KSR2: variants seen among roughly 807,000 people sequenced by gnomAD.
KSR2 encodes kinase suppressor of ras 2.
Under a neutral mutation model 107.8 loss-of-function variants are expected in KSR2, and 25 were observed. The observed-to-expected ratio is 0.23, with a 90% confidence interval of 0.17 to 0.32. The LOEUF (loss-of-function observed/expected upper bound fraction) is 0.32, where lower values mean the gene tolerates loss of function less well. Ranked by LOEUF, KSR2 falls within the 10% of genes least tolerant of loss-of-function variation. The pLI, the probability that KSR2 is intolerant of heterozygous loss-of-function variation, is 1.00. For synonymous variants in KSR2, 480 were observed against 507.0 expected, an observed-to-expected ratio of 0.95 and a Z score of 0.71; for missense variants, 887 against 1,268.9, an observed-to-expected ratio of 0.70 and a Z score of 4.57.
intron 5 of KSR2, among the ~76,000 whole-genome samples, chr12:117,644,346 A>T (rs187471494): frequency 5.3e-5 from 8 of 152,332 alleles, no homozygotes; most frequent in Admixed American, 5.2e-4. Flanking sequence ...AGTTCGCAGC[A>T]TCTACATGGA....
chr12:117,860,065 G>GT (rs1341429723), intron 2 of KSR2, among the ~76,000 whole-genome samples: 1 of 152,224 alleles, frequency 6.6e-6, no homozygotes, highest in Non-Finnish European at 1.5e-5. Context: ...CTGTGAATAT[G>GT]TGGCAGAGCT....
intron 3 of KSR2, among the ~76,000 whole-genome samples, chr12:117,778,894 G>A (rs563873420): frequency 1.4e-4 from 21 of 152,272 alleles, no homozygotes; most frequent in African/African-American, 4.8e-4. Flanking sequence ...CTCTTGTGTT[G>A]GCAAATTCAA....
At chr12:117,496,433 C>T (rs1401182511) in intron 14 of KSR2, among the ~76,000 whole-genome samples, 1 of 152,168 alleles carries the variant, frequency 6.6e-6, no homozygotes, top group Non-Finnish European at 1.5e-5. Context: ...TTCTCAGCAT[C>T]TCCTAACGAT....
intron 5 of KSR2, among the ~76,000 whole-genome samples, chr12:117,648,320 A>C (rs1324314024): frequency 1.3e-5 from 2 of 151,662 alleles, no homozygotes; most frequent in African/African-American, 4.9e-5. Flanking sequence ...GGAGGAGGTG[A>C]TCTCCTGTTT....
At chr12:117,958,397 T>A (rs146319027) in intron 1 of KSR2, among the ~76,000 whole-genome samples, 1 of 152,340 alleles carries the variant, frequency 6.6e-6, no homozygotes, top group African/African-American at 2.4e-5. Context: ...AACTTTTGCA[T>A]ATCCTTTGAT....
At chr12:117,468,668 C>T (rs563771915) in intron 19 of KSR2, among the ~76,000 whole-genome samples, 28 of 152,260 alleles carry the variant, frequency 1.8e-4, no homozygotes, top group Non-Finnish European at 3.2e-4. Context: ...TACTGCTTGT[C>T]TTTAGAGGGT....
chr12:117,930,618 T>C (rs748923469), intron 1 of KSR2, among the ~76,000 whole-genome samples: 2 of 152,136 alleles, frequency 1.3e-5, no homozygotes, highest in Non-Finnish European at 2.9e-5. Flanking sequence ...ATGAGATTAA[T>C]ACTAAAGTTG....
chr12:117,522,815 C>G (rs1407345835), intron 14 of KSR2, among the ~76,000 whole-genome samples: 1 of 152,178 alleles, frequency 6.6e-6, no homozygotes, highest in African/African-American at 2.4e-5. Context: ...GCATCTAAGA[C>G]TGACTATCCC....
chr12:117,931,865 A>G (rs1469862498), intron 1 of KSR2, among the ~76,000 whole-genome samples: 2 of 152,212 alleles, frequency 1.3e-5, no homozygotes, highest in Non-Finnish European at 2.9e-5. Context: ...TTTTGCACCT[A>G]TTGTCTAATC....
chr12:117,634,621 G>A (rs1387023543), intron 5 of KSR2, among the ~76,000 whole-genome samples: 1 of 152,112 alleles, frequency 6.6e-6, no homozygotes, highest in African/African-American at 2.4e-5. Flanking sequence ...CACTCGCATG[G>A]CTAAGAGAAC....
At chr12:117,671,332 TTAGATAGA>T (rs375356802) in intron 4 of KSR2, among the ~76,000 whole-genome samples, 3 of 152,188 alleles carry the variant, frequency 2.0e-5, no homozygotes, top group African/African-American at 7.2e-5. Flanking sequence ...TGATTGATCA[TTAGATAGA>T]TAGATAGATA....
intron 1 of KSR2, among the ~76,000 whole-genome samples, chr12:117,920,901 CTT>C (rs1402855642): frequency 6.6e-6 from 1 of 152,148 alleles, no homozygotes; most frequent in African/African-American, 2.4e-5. Flanking sequence ...GGGTGGCAAA[CTT>C]GAGAAAATGT....
chr12:117,754,878 C>G (rs1888734106), intron 4 of KSR2, among the ~76,000 whole-genome samples: 1 of 152,218 alleles, frequency 6.6e-6, no homozygotes, highest in Non-Finnish European at 1.5e-5. Flanking sequence ...CTTGAAAAAT[C>G]ACAGCAACCA....
chr12:117,539,220 T>C (rs1876280033), intron 10 of KSR2, among the ~76,000 whole-genome samples: 1 of 152,220 alleles, frequency 6.6e-6, no homozygotes, highest in African/African-American at 2.4e-5. Flanking sequence ...GAGTCCAGAC[T>C]GCTCAGTGAC....
In KSR2 at chr12:117,803,807, GA is replaced by G. The variant is rs536856768; in HGVS notation, c.473-42284del. ...TGCATTTAATCCTCACTACAAACTT[GA>G]GAGGCTGGGCCCATCATTGTCCCCA... On this transcript the variant is annotated intron_variant, in intron 3 of 19. Coordinates refer to ENST00000339824, the MANE Select transcript of KSR2 (RefSeq NM_173598.6). Among the ~76,000 whole-genome samples the G allele has an allele frequency of 4.1e-4, 63 of 152,240 alleles. 1 individual carries two copies. In the South Asian group the frequency reaches 7.3e-3, roughly 18 times the overall value.
intron 4 of KSR2, among the ~76,000 whole-genome samples, chr12:117,667,906 T>G (rs1477390751): frequency 6.6e-6 from 1 of 152,176 alleles, no homozygotes; most frequent in Non-Finnish European, 1.5e-5. Context: ...CATTCTTTTT[T>G]GCCCAGCTCC....
intron 3 of KSR2, among the ~76,000 whole-genome samples, chr12:117,768,423 G>C (rs1315431481): frequency 6.6e-6 from 1 of 152,216 alleles, no homozygotes; most frequent in African/African-American, 2.4e-5. Context: ...ACAATGGTGA[G>C]TGTGGGGACT....
At chr12:117,936,518 T>TAGTAGTAGTAG (rs1566089508) in intron 1 of KSR2, among the ~76,000 whole-genome samples, 3 of 39,702 alleles carry the variant, frequency 7.6e-5, no homozygotes, top group Non-Finnish European at 1.4e-4. Context: ...TATTTTATTA[T>TAGTAGTAGTAG]TATTATTATT....
intron 1 of KSR2, among the ~76,000 whole-genome samples, chr12:117,879,916 G>A (rs1566064458): frequency 6.6e-6 from 1 of 152,176 alleles, no homozygotes; most frequent in Non-Finnish European, 1.5e-5. Flanking sequence ...GGAGGCCGAG[G>A]CAGGCAGATC....
Sources: gnomAD v4.1 joint callset for allele counts (sites outside exome capture counted in the v4.1 genomes callset) on GRCh38, gnomAD v4.1.1 for gene constraint, MANE v1.5 for transcripts, NCBI Gene and HGNC (gene_info 2026-07-23, HGNC 2026-07-21) for gene names.